Variants in HIRA observed in about 807,000 individuals in gnomAD.
HIRA encodes the protein histone cell cycle regulator.
Under a neutral mutation model 126.6 loss-of-function variants are expected in HIRA, and 13 were observed. That is an observed-to-expected ratio of 0.10 (90% confidence interval 0.07 to 0.16). The LOEUF is 0.16. Ranked by LOEUF, HIRA falls within the 10% of genes least tolerant of loss-of-function variation. The pLI, the probability that HIRA is intolerant of heterozygous loss-of-function variation, is 1.00. For missense variants in HIRA, 834 were observed against 1,314.4 expected, an observed-to-expected ratio of 0.63 and a Z score of 5.65; for synonymous variants, 511 against 520.0, an observed-to-expected ratio of 0.98 and a Z score of 0.24.
At chr22:19,400,145 T>G (rs5746734) in intron 5 of HIRA, among the ~76,000 whole-genome samples, 23,772 of 152,250 alleles carry the variant, frequency 0.16, 3,932 homozygotes, top group African/African-American at 0.41. Context: ...TATACTGTAG[T>G]AGTTTTATGG....
Position 19,403,453 on chromosome 22 carries a change from CA to C in HIRA, c.397+2332del, listed in dbSNP as rs995568231. ...TGAAACCCTGTCTCTACTAAAAATA[CA>C]AAAAAAAAGTGGCCGGGTGTGGTGG... On this transcript the variant is annotated intron_variant, in intron 5 of 24. Coordinates refer to ENST00000263208, the MANE Select transcript of HIRA (RefSeq NM_003325.4). 1.3e-4 allele frequency among the ~76,000 whole-genome samples: 19 copies of C among 150,958 alleles called. No homozygotes were observed. The East Asian group carries it at 3.5e-3, about 28-fold the overall frequency.
intron 17 of HIRA, among the ~76,000 whole-genome samples, chr22:19,360,530 G>A (rs2088853597): frequency 1.3e-5 from 2 of 152,166 alleles, no homozygotes; most frequent in Non-Finnish European, 2.9e-5. Context: ...GCCCTGTGAG[G>A]ACCAACCTGG....
intron 24 of HIRA, among the ~76,000 whole-genome samples, chr22:19,341,161 C>T (rs2088624024): frequency 1.3e-5 from 2 of 151,412 alleles, no homozygotes; most frequent in Non-Finnish European, 2.9e-5. Context: ...ACAAAATATA[C>T]AAAAATCAGC....
chr22:19,349,565 A>G (rs1360787153), intron 24 of HIRA, among the ~76,000 whole-genome samples: 7 of 152,218 alleles, frequency 4.6e-5, no homozygotes, highest in Non-Finnish European at 7.3e-5. Context: ...CCAAGATAGG[A>G]TCCCAAAGTA....
In HIRA at chr22:19,408,473, T is replaced by G. The variant is rs1481080543; in HGVS notation, c.211+10A>C. On this transcript the variant is annotated intron_variant, in intron 3 of 24. Transcript: ENST00000263208. ...ACACGCAAAGCCTGCAAAGGGCCAC[T>G]CTGTAATACCTAAGTGATTGTCCAT... 7 of 1,563,860 alleles carry G rather than the reference T, an allele frequency of 4.5e-6. No individual in the cohort carries two copies. In the South Asian group the frequency reaches 7.8e-5, roughly 17 times the overall value.
At chr22:19,392,330 C>A (rs2089189636) in intron 8 of HIRA, 116 bp from the exon 9 acceptor site, 7 of 590,224 alleles carry the variant, frequency 1.2e-5, no homozygotes, top group Non-Finnish European at 1.8e-5. Context: ...AGCCCAGGCA[C>A]TGAGCATGCA....
At chr22:19,392,352 C>T (rs1032603702) in intron 8 of HIRA, 138 bp from the exon 9 acceptor site, 8 of 548,926 alleles carry the variant, frequency 1.5e-5, no homozygotes, top group African/African-American at 3.7e-5. Context: ...TTCATCTTCC[C>T]GACCACCTAT....
At chr22:19,380,795 T>G (rs774205150) in intron 13 of HIRA, among the ~76,000 whole-genome samples, 2 of 152,162 alleles carry the variant, frequency 1.3e-5, no homozygotes, top group African/African-American at 2.4e-5. Context: ...AGCTAATTTT[T>G]ATATTTTTAG....
rs553007970 is a variant in HIRA, at chr22:19,403,549, T to C, written c.397+2237A>G. ...ATAGCTGGAACCCGGGAGGTGGAGGTTGCAGTGAGCTGAGATCGTAACACT... is the reference window on the plus strand; with the variant it reads ...ATAGCTGGAACCCGGGAGGTGGAGGCTGCAGTGAGCTGAGATCGTAACACT... On this transcript the variant is annotated intron_variant, in intron 5 of 24. Coordinates refer to ENST00000263208, the MANE Select transcript of HIRA (RefSeq NM_003325.4). 3.3e-5 allele frequency among the ~76,000 whole-genome samples: 5 copies of C among 152,058 alleles called. No individual in the cohort carries two copies. The South Asian group carries it at 8.3e-4, about 25-fold the overall frequency.
chr22:19,377,761 G>T, intron 14 of HIRA, 108 bp downstream of exon 14: 1 of 999,100 alleles, frequency 1.0e-6, no homozygotes, highest in Middle Eastern at 3.4e-4. Context: ...TTTCTTTTTT[G>T]ATTGAAGGGG....
intron 5 of HIRA, chr22:19,399,232 A>C (rs1201429475): frequency 1.2e-6 from 1 of 821,250 alleles, no homozygotes; most frequent in East Asian, 1.2e-4. Flanking sequence ...TGAAGAAACA[A>C]ACATAGCAGC....
At chr22:19,373,440 G>A (rs1601826239) in intron 15 of HIRA, among the ~76,000 whole-genome samples, 1 of 152,278 alleles carries the variant, frequency 6.6e-6, no homozygotes, top group South Asian at 2.1e-4. Flanking sequence ...TTGTGACTGT[G>A]GATTTTATGA....
chr22:19,379,682 C>T (rs1311501807), intron 13 of HIRA, among the ~76,000 whole-genome samples: 2 of 133,970 alleles, frequency 1.5e-5, no homozygotes, highest in African/African-American at 5.5e-5. Flanking sequence ...TTGTGAACTG[C>T]TTGTTCATAT....
chr22:19,369,758 C>A (rs978815354), intron 15 of HIRA, among the ~76,000 whole-genome samples: 10 of 152,018 alleles, frequency 6.6e-5, no homozygotes, highest in Non-Finnish European at 8.8e-5. Flanking sequence ...ATGGTGAAAC[C>A]CCATCTGTAC....
chr22:19,375,024 C>T (rs1163547674), intron 15 of HIRA, among the ~76,000 whole-genome samples: 2 of 152,212 alleles, frequency 1.3e-5, no homozygotes, highest in African/African-American at 4.8e-5. Flanking sequence ...AGGCTGCAGA[C>T]ATTCGCTCTG....
At chr22:19,384,815 G>A (rs1418407057) in intron 12 of HIRA, among the ~76,000 whole-genome samples, 3 of 150,578 alleles carry the variant, frequency 2.0e-5, no homozygotes, top group Non-Finnish European at 4.4e-5. Context: ...CACCATACCC[G>A]GCTATTTTTT....
intron 1 of HIRA, among the ~76,000 whole-genome samples, chr22:19,412,441 T>C (rs1001479762): frequency 3.9e-5 from 6 of 152,256 alleles, no homozygotes; most frequent in Non-Finnish European, 8.8e-5. Context: ...ATTTAGGGGT[T>C]TGTCATATAA....
chr22:19,405,559 C>A, intron 5 of HIRA: 1 of 967,072 alleles, frequency 1.0e-6, no homozygotes, highest in Admixed American at 6.2e-5. Context: ...ACATATACCC[C>A]ATGAGGGCAA....
Position 19,351,803 on chromosome 22 carries a change from T to C in HIRA, c.2849-357A>G, listed in dbSNP as rs1556010984. ...CTGGTGAGATCTGTCTTTGAGAAGATGCGCTGGCAGCTGGTGTTGAGGGGA... is the reference window on the plus strand; with the variant it reads ...CTGGTGAGATCTGTCTTTGAGAAGACGCGCTGGCAGCTGGTGTTGAGGGGA... On this transcript the variant is annotated intron_variant, in intron 23 of 24. Transcript: ENST00000263208. This position sits in a 1 kb window ranked among gnomAD's most constrained non-coding sequence, Gnocchi z 4.8. Among the ~76,000 whole-genome samples the C allele has an allele frequency of 6.6e-6, 1 of 152,080 alleles. No individual in the cohort carries two copies. Among genetic ancestry groups the C allele is most frequent in the Admixed American group, 6.5e-5 (1 of 15,270 alleles).
Sources: gnomAD v4.1 joint callset for allele counts (sites outside exome capture counted in the v4.1 genomes callset) on GRCh38, gnomAD v4.1.1 for gene constraint, Gnocchi (gnomAD v3.1) non-coding constraint, MANE v1.5 for transcripts, NCBI Gene and HGNC (gene_info 2026-07-23, HGNC 2026-07-21) for gene names.